CAMKMT: variants seen among roughly 807,000 people sequenced by gnomAD.
The protein encoded by CAMKMT is calmodulin-lysine N-methyltransferase.
Under a neutral mutation model 48.0 loss-of-function variants are expected in CAMKMT, and 53 were observed. The observed-to-expected ratio is 1.10, with a 90% CI of 0.89 to 1.39. CAMKMT has a LOEUF of 1.39. CAMKMT is among the 40% of genes most tolerant of loss of function. The pLI, the probability that CAMKMT is intolerant of heterozygous loss-of-function variation, is 0.00. For missense variants in CAMKMT, 428 were observed against 402.7 expected (o/e 1.06, Z -0.54); for synonymous variants, 165 against 152.3 (o/e 1.08, Z -0.61).
At chr2:44,560,787 G>T (rs1401316390) in intron 3 of CAMKMT, among the ~76,000 whole-genome samples, 4 of 152,204 alleles carry the variant, frequency 2.6e-5, no homozygotes, top group Admixed American at 2.6e-4. Context: ...TCTTTGGGAT[G>T]TCTCAAAGTT....
intron 3 of CAMKMT, among the ~76,000 whole-genome samples, chr2:44,654,547 G>C (rs1380121462): frequency 6.6e-6 from 1 of 152,104 alleles, no homozygotes; most frequent in Non-Finnish European, 1.5e-5. Context: ...GAGTCTCACT[G>C]TGTCACCCAG....
intron 3 of CAMKMT, among the ~76,000 whole-genome samples, chr2:44,431,266 G>A (rs1572858484): frequency 6.6e-6 from 1 of 151,846 alleles, no homozygotes; most frequent in African/African-American, 2.4e-5. Flanking sequence ...TGAGAAGTGG[G>A]GTAAATTAAC....
Position 44,520,973 on chromosome 2 carries a change from A to G in CAMKMT, c.376+130668A>G, listed in dbSNP as rs368893897. 1.6e-3 allele frequency among the ~76,000 whole-genome samples: 237 copies of G among 152,332 alleles called. 3 individuals carry two copies. The highest frequency in any genetic ancestry group is 6.0e-3 in the South Asian group (29 of 4,826). On this transcript the variant is annotated intron_variant, in intron 3 of 10. Transcript: ENST00000378494. ...CCCAGCCATGTGGAACTGTGAGCCA[A>G]TTAAACCTCTTTTCTTTATAAATTA...
At chr2:44,468,799 A>G (rs7578590) in intron 3 of CAMKMT, among the ~76,000 whole-genome samples, 8,341 of 152,220 alleles carry the variant, frequency 0.055, 292 homozygotes, top group South Asian at 0.13. Context: ...CATGCCTATA[A>G]TCCTAGGTAC....
At chr2:44,717,728 C>G (rs1333050688) in intron 7 of CAMKMT, among the ~76,000 whole-genome samples, 1 of 151,908 alleles carries the variant, frequency 6.6e-6, no homozygotes, top group Non-Finnish European at 1.5e-5. Context: ...CACTTCAAAG[C>G]TTGACATGAG....
chr2:44,522,620 A>G (rs1486195823), intron 3 of CAMKMT, among the ~76,000 whole-genome samples: 3 of 152,218 alleles, frequency 2.0e-5, no homozygotes, highest in Non-Finnish European at 4.4e-5. Flanking sequence ...AGGGTTTTAC[A>G]GCCACACTCT....
At chr2:44,648,198 T>C (rs1673859537) in intron 3 of CAMKMT, among the ~76,000 whole-genome samples, 1 of 152,110 alleles carries the variant, frequency 6.6e-6, no homozygotes, top group African/African-American at 2.4e-5. Context: ...AATATTTATG[T>C]ATATTTGTTT....
At chr2:44,674,317 C>T (rs925300798) in intron 3 of CAMKMT, among the ~76,000 whole-genome samples, 8 of 152,092 alleles carry the variant, frequency 5.3e-5, no homozygotes, top group African/African-American at 9.7e-5. Flanking sequence ...ATAAACTTGC[C>T]CCTTTGTATT....
chr2:44,589,896 G>GAAAAAAAAAAAAAAACAAA (rs888613058), intron 3 of CAMKMT, among the ~76,000 whole-genome samples: 1 of 60,390 alleles, frequency 1.7e-5, no homozygotes, highest in Non-Finnish European at 3.3e-5. Flanking sequence ...AAAAAAAAAA[G>GAAAAAAAAAAAAAAACAAA]AAAAAAAAAA....
chr2:44,476,870 T>A (rs1268710359), intron 3 of CAMKMT, among the ~76,000 whole-genome samples: 2 of 152,178 alleles, frequency 1.3e-5, no homozygotes, highest in African/African-American at 4.8e-5. Context: ...TAAGGATCAA[T>A]GCTTATGAAT....
chr2:44,364,956 A>G (rs1678436178), intron 1 of CAMKMT, among the ~76,000 whole-genome samples: 1 of 152,222 alleles, frequency 6.6e-6, no homozygotes, highest in African/African-American at 2.4e-5. Context: ...GCAAAGGCCA[A>G]ATTCAAGGGG....
chr2:44,668,175 C>G (rs1675111709), intron 3 of CAMKMT, among the ~76,000 whole-genome samples: 1 of 152,176 alleles, frequency 6.6e-6, no homozygotes, highest in African/African-American at 2.4e-5. Context: ...GATGACCTGG[C>G]TGATCTTGCA....
At chr2:44,701,455 A>G (rs1340384558) in intron 3 of CAMKMT, among the ~76,000 whole-genome samples, 1 of 152,148 alleles carries the variant, frequency 6.6e-6, no homozygotes, top group African/African-American at 2.4e-5. Flanking sequence ...GGAAACAAAC[A>G]CTCTGATTAG....
chr2:44,532,514 T>C (rs948710041), intron 3 of CAMKMT, among the ~76,000 whole-genome samples: 26 of 152,172 alleles, frequency 1.7e-4, no homozygotes, highest in Non-Finnish European at 1.3e-4. Flanking sequence ...CTGTATTTGG[T>C]GTATTAGATG....
rs112770842 is a variant in CAMKMT, at chr2:44,634,159, A to AG, written c.377-70122dup. 2.0e-3 allele frequency among the ~76,000 whole-genome samples: 310 copies of AG among 152,210 alleles called. 2 individuals carry two copies. Among genetic ancestry groups the AG allele is most frequent in the African/African-American group, 7.2e-3 (298 of 41,522 alleles). ...CACTGCAACACACAGCTTAGTGCTC[A>AG]GGCAAAGATTCAAGGAAGACTCTGC... On this transcript the variant is annotated intron_variant, in intron 3 of 10. Coordinates refer to ENST00000378494, the MANE Select transcript of CAMKMT (RefSeq NM_024766.5).
chr2:44,503,984 GGAGA>G (rs370141046), intron 3 of CAMKMT, among the ~76,000 whole-genome samples: 5 of 142,592 alleles, frequency 3.5e-5, no homozygotes, highest in Admixed American at 2.1e-4. Context: ...GAGCGGGTGG[GGAGA>G]GAGAGAGAGA....
At chr2:44,471,870 G>C (rs1490162366) in intron 3 of CAMKMT, among the ~76,000 whole-genome samples, 1 of 151,932 alleles carries the variant, frequency 6.6e-6, no homozygotes, top group Non-Finnish European at 1.5e-5. Flanking sequence ...TAGTAGAAAT[G>C]GGGTTTCTCC....
chr2:44,400,082 T>A (rs1237639742), intron 3 of CAMKMT, among the ~76,000 whole-genome samples: 3 of 152,200 alleles, frequency 2.0e-5, no homozygotes. Flanking sequence ...ATTGATTCAT[T>A]TGAATCCCAA....
At position 44,730,430 on chromosome 2, in the gene CAMKMT, T is replaced by C. The variant is rs148700629; in HGVS notation, c.624-13192T>C. Among the ~76,000 whole-genome samples the C allele has an allele frequency of 4.0e-3, 602 of 152,344 alleles. 6 individuals carry two copies. Among genetic ancestry groups the C allele is most frequent in the African/African-American group, 0.014 (576 of 41,582 alleles). On this transcript the variant is annotated intron_variant, in intron 7 of 10. Transcript: ENST00000378494. Reference sequence around the variant, plus strand: ...GTCTTGTCTTCCGAATATGACTGTATGTTCCTTTTGACGATTATGATTTTG... The same window carrying C: ...GTCTTGTCTTCCGAATATGACTGTACGTTCCTTTTGACGATTATGATTTTG...
Sources: gnomAD v4.1 joint callset for allele counts (sites outside exome capture counted in the v4.1 genomes callset) on GRCh38, gnomAD v4.1.1 for gene constraint, MANE v1.5 for transcripts, NCBI Gene and HGNC (gene_info 2026-07-23, HGNC 2026-07-21) for gene names.